CACNB2: variants seen among roughly 807,000 people sequenced by gnomAD.
The protein encoded by CACNB2 is calcium voltage-gated channel auxiliary subunit beta 2.
A neutral mutation model predicts 73.3 loss-of-function variants in CACNB2; 42 were observed. That is an observed-to-expected ratio of 0.57 (90% CI 0.45 to 0.74). The LOEUF (loss-of-function observed/expected upper bound fraction) is 0.74. CACNB2 is among the 30% of genes least tolerant of loss of function. The pLI, the probability that CACNB2 is intolerant of heterozygous loss-of-function variation, is 0.00. For synonymous variants in CACNB2, 348 were observed against 310.3 expected (o/e 1.12, Z -1.28); for missense variants, 940 against 853.0 (o/e 1.10, Z -1.27).
At chr10:18,372,524 A>C (rs537969944) in intron 2 of CACNB2, among the ~76,000 whole-genome samples, 1 of 152,248 alleles carries the variant, frequency 6.6e-6, no homozygotes, top group South Asian at 2.1e-4. Flanking sequence ...CTCCTGCTTC[A>C]GCCTACCAAG....
chr10:18,368,709 A>G (rs1304008386), intron 2 of CACNB2, among the ~76,000 whole-genome samples: 1 of 152,198 alleles, frequency 6.6e-6, no homozygotes, highest in Non-Finnish European at 1.5e-5. Context: ...GAATACAAAC[A>G]TTCATTAATT....
chr10:18,344,958 CT>C (rs1012122283), intron 2 of CACNB2, among the ~76,000 whole-genome samples: 3 of 152,108 alleles, frequency 2.0e-5, no homozygotes, highest in Non-Finnish European at 4.4e-5. Flanking sequence ...TGGGTTCTGC[CT>C]TTTTTCCTTC....
At chr10:18,385,368 C>G (rs905157777) in intron 2 of CACNB2, among the ~76,000 whole-genome samples, 15 of 96,124 alleles carry the variant, frequency 1.6e-4, no homozygotes, top group Non-Finnish European at 2.1e-4. Context: ...TGTAATACCC[C>G]CCCCCCTCGC....
intron 2 of CACNB2, among the ~76,000 whole-genome samples, chr10:18,172,962 C>T (rs916114592): frequency 3.3e-5 from 4 of 121,902 alleles, no homozygotes; most frequent in Admixed American, 2.7e-4. Context: ...ACTCTGACAC[C>T]CAGGCTGGAG....
At chr10:18,439,522 C>G (rs1589359756) in intron 3 of CACNB2, among the ~76,000 whole-genome samples, 1 of 152,084 alleles carries the variant, frequency 6.6e-6, no homozygotes. Flanking sequence ...TCTTCTGATC[C>G]CCTTCAAGGT....
At chr10:18,292,916 C>T (rs1239552190) in intron 2 of CACNB2, among the ~76,000 whole-genome samples, 1 of 152,116 alleles carries the variant, frequency 6.6e-6, no homozygotes, top group Non-Finnish European at 1.5e-5. Context: ...CCATACTCAT[C>T]ATAGAATTTA....
Position 18,519,615 on chromosome 10 carries a change from C to A in CACNB2, c.944+647C>A, listed in dbSNP as rs951415774. 10 of 432,652 alleles carry A rather than the reference C, an allele frequency of 2.3e-5. No individual in the cohort carries two copies. In the Admixed American group the frequency reaches 2.5e-4, roughly 11 times the overall value. The allele number at this position is 432,652 out of a possible 1,614,324, so 26.8% of individuals were successfully genotyped here. On this transcript the variant is annotated intron_variant, in intron 9 of 13. Coordinates refer to ENST00000324631, the MANE Select transcript of CACNB2 (RefSeq NM_201596.3). ...CTTTGCTCTCTCCTCATGAGTATTT[C>A]CTGTTCTAATGGAAACTCCATCACC...
chr10:18,456,574 C>G (rs1164662746), intron 3 of CACNB2, among the ~76,000 whole-genome samples: 3 of 152,180 alleles, frequency 2.0e-5, no homozygotes, highest in African/African-American at 7.2e-5. Context: ...TCACCTCCCA[C>G]CAGGCCCCAC....
intron 2 of CACNB2, among the ~76,000 whole-genome samples, chr10:18,268,016 G>A (rs1412233691): frequency 3.3e-5 from 5 of 152,172 alleles, no homozygotes; most frequent in Non-Finnish European, 7.3e-5. Context: ...AAAACACTTG[G>A]CACGGAGTAA....
intron 1 of CACNB2, among the ~76,000 whole-genome samples, chr10:18,145,351 C>T (rs1263472062): frequency 6.6e-6 from 1 of 152,114 alleles, no homozygotes; most frequent in Non-Finnish European, 1.5e-5. Context: ...GTTACAGGTC[C>T]TGTGCTTTAT....
intron 7 of CACNB2, among the ~76,000 whole-genome samples, chr10:18,516,846 A>T (rs1330466751): frequency 6.6e-6 from 1 of 150,914 alleles, no homozygotes. Context: ...ACTGTATTCT[A>T]CCTTGATTGT....
At chr10:18,442,943 T>C (rs1364644664) in intron 3 of CACNB2, among the ~76,000 whole-genome samples, 6 of 23,344 alleles carry the variant, frequency 2.6e-4, no homozygotes, top group African/African-American at 4.3e-4. Context: ...TATATATATG[T>C]GTATATATAT....
At chr10:18,523,256 G>A (rs2052104287) in intron 9 of CACNB2, among the ~76,000 whole-genome samples, 1 of 152,148 alleles carries the variant, frequency 6.6e-6, no homozygotes. Context: ...AAGGCACTGT[G>A]TTTTCCATGC....
At chr10:18,223,646 C>T (rs1056964934) in intron 2 of CACNB2, among the ~76,000 whole-genome samples, 1 of 152,004 alleles carries the variant, frequency 6.6e-6, no homozygotes, top group Non-Finnish European at 1.5e-5. Flanking sequence ...TCAGTATAAA[C>T]TATTATATGG....
chr10:18,220,258 G>A lies in CACNB2; in HGVS notation c.213+69283G>A, dbSNP rs1588737823. On this transcript the variant is annotated intron_variant, in intron 2 of 13. Coordinates refer to ENST00000324631, the MANE Select transcript of CACNB2 (RefSeq NM_201596.3). ...AGAGAGAGAGAGAGAGAGAGAGAGA[G>A]AGAGAGAGAGAGAGAGAAAGAGAGA... is the stretch of plus-strand genomic sequence containing the variant. Among the ~76,000 whole-genome samples the A allele has an allele frequency of 3.2e-5, 4 of 124,794 alleles. 2 individuals are homozygous for A. The highest frequency in any genetic ancestry group is 1.3e-4 in the African/African-American group (4 of 30,332). The allele number at this position is 124,794 out of a possible 152,430, so 81.9% of individuals were successfully genotyped here.
chr10:18,316,750 C>G (rs894055304), intron 2 of CACNB2, among the ~76,000 whole-genome samples: 1 of 152,144 alleles, frequency 6.6e-6, no homozygotes, highest in Non-Finnish European at 1.5e-5. Context: ...GCATGAGCCA[C>G]CAGACCTGGT....
At chr10:18,535,641 C>T (rs894968661) in intron 11 of CACNB2, among the ~76,000 whole-genome samples, 17 of 141,290 alleles carry the variant, frequency 1.2e-4, no homozygotes, top group African/African-American at 1.7e-4. Context: ...GGCGTGGTGG[C>T]GGGTGCCTGT....
intron 2 of CACNB2, among the ~76,000 whole-genome samples, chr10:18,212,253 C>T (rs1415030863): frequency 1.3e-5 from 2 of 152,228 alleles, no homozygotes; most frequent in African/African-American, 4.8e-5. Context: ...TCTGAGTTCT[C>T]ATTCCCCCAC....
intron 3 of CACNB2, among the ~76,000 whole-genome samples, chr10:18,474,525 C>A (rs906024810): frequency 6.6e-6 from 1 of 152,142 alleles, no homozygotes; most frequent in Admixed American, 6.5e-5. Context: ...GATGCCAATT[C>A]CCCAACTGTT....
Sources: gnomAD v4.1 joint callset for allele counts (sites outside exome capture counted in the v4.1 genomes callset) on GRCh38, gnomAD v4.1.1 for gene constraint, MANE v1.5 for transcripts, NCBI Gene and HGNC (gene_info 2026-07-23, HGNC 2026-07-21) for gene names.